MIGA1: variants seen among roughly 807,000 people sequenced by gnomAD.
The protein encoded by MIGA1 is mitoguardin 1.
In MIGA1, 58 loss-of-function variants were observed where a neutral mutation model predicts 82.0. That is an observed-to-expected ratio of 0.71 (90% CI 0.57 to 0.88). The LOEUF (loss-of-function observed/expected upper bound fraction) is 0.88, where lower values mean the gene tolerates loss of function less well. MIGA1 is among the 40% of genes least tolerant of loss of function. The probability of loss-of-function intolerance (pLI) is 0.00; values close to 1 mark genes in which losing one functional copy is unlikely to be tolerated. For missense variants in MIGA1, 751 were observed against 749.1 expected (o/e 1.00, Z -0.03); for synonymous variants, 249 against 253.6 (o/e 0.98, Z 0.17).
At chr1:77,796,279 G>A (rs867536316) in intron 2 of MIGA1, among the ~76,000 whole-genome samples, 8 of 151,056 alleles carry the variant, frequency 5.3e-5, no homozygotes, top group East Asian at 2.0e-4. Context: ...CCACCATGCC[G>A]GCTAATTTTT....
chr1:77,860,067 A>G lies in MIGA1; in HGVS notation c.1216A>G (p.Ile406Val), dbSNP rs147616793. 1,645 of 1,611,538 alleles carry G rather than the reference A, an allele frequency of 1.0e-3. 1 individual carries two copies. The highest frequency in any genetic ancestry group is 1.3e-3 in the Non-Finnish European group (1,555 of 1,178,730). ...AATTCTTTCAGAATCAGCTAACAGGATATTCCTCGCTGAGAGCGGAAGGAA... is the reference window on the plus strand; with the variant it reads ...AATTCTTTCAGAATCAGCTAACAGGGTATTCCTCGCTGAGAGCGGAAGGAA... The change falls in exon 11 of 16, where the codon ATA (isoleucine) becomes GTA (valine). Residue 406 changes from isoleucine to valine, a missense_variant. This residue lies in a region of MIGA1 where 265 missense variants were observed against 293.6 expected (regional missense o/e 0.90). Coordinates refer to ENST00000370791, the MANE Select transcript of MIGA1 (RefSeq NM_198549.4).
At chr1:77,851,793 T>C (rs913478518) in intron 8 of MIGA1, among the ~76,000 whole-genome samples, 19 of 152,064 alleles carry the variant, frequency 1.2e-4, no homozygotes, top group African/African-American at 4.6e-4. Flanking sequence ...CTCTGGAATC[T>C]CCCATTGTTG....
intron 7 of MIGA1, among the ~76,000 whole-genome samples, chr1:77,827,982 C>CAGG (rs1184821557): frequency 2.6e-5 from 4 of 152,108 alleles, no homozygotes; most frequent in Admixed American, 1.3e-4. Context: ...AGCTTGAACC[C>CAGG]AGGAGGAGGA....
intron 14 of MIGA1, among the ~76,000 whole-genome samples, chr1:77,870,642 G>A (rs1270962592): frequency 6.6e-6 from 1 of 151,168 alleles, no homozygotes; most frequent in African/African-American, 2.4e-5. Flanking sequence ...CTAGACGATG[G>A]GGGGCCAGGC....
At chr1:77,784,821 A>G (rs751766698) in intron 2 of MIGA1, among the ~76,000 whole-genome samples, 10 of 152,232 alleles carry the variant, frequency 6.6e-5, no homozygotes, top group Non-Finnish European at 1.3e-4. Flanking sequence ...TCATGGTGGA[A>G]GGTGAAAATC....
chr1:77,846,499 A>T (rs1042792797), intron 8 of MIGA1, among the ~76,000 whole-genome samples: 14 of 151,874 alleles, frequency 9.2e-5, no homozygotes, highest in Admixed American at 7.2e-4. Flanking sequence ...AATTTTATTT[A>T]AAAAAATTTT....
chr1:77,806,870 G>A, intron 4 of MIGA1, 105 bp from the exon 5 acceptor site: 1 of 675,810 alleles, frequency 1.5e-6, no homozygotes, highest in Non-Finnish European at 2.3e-6. Context: ...TACATGGATT[G>A]TCTTACCACT....
chr1:77,879,282 G>A lies in MIGA1; in HGVS notation c.*4218G>A, dbSNP rs1646918044. ...AGAATTTATATAATCTGTGATTAGT[G>A]GAAATAAGAACATCCCTACTTTGTT... On this transcript the variant is annotated 3_prime_UTR_variant, in exon 16 of 16. Coordinates refer to ENST00000370791, the MANE Select transcript of MIGA1 (RefSeq NM_198549.4). The A allele has an allele frequency of 1.3e-5, 2 of 152,078 alleles. No individual in the cohort carries two copies. The highest frequency in any genetic ancestry group is 2.4e-5 in the African/African-American group (1 of 41,416). 9.4% of individuals were successfully genotyped at this position (152,078 alleles called of 1,614,324 possible). A position where few individuals can be genotyped will look rare whatever the true frequency, so the allele number is the denominator to read the frequency against.
chr1:77,832,281 T>G (rs1455396070), intron 7 of MIGA1, among the ~76,000 whole-genome samples: 2 of 152,230 alleles, frequency 1.3e-5, no homozygotes, highest in Non-Finnish European at 2.9e-5. Context: ...CAGAATGAGC[T>G]CACAGAATCT....
In MIGA1 at chr1:77,779,690, G is replaced by C; in HGVS notation, c.35G>C (p.Trp12Ser). The C allele has an allele frequency of 6.3e-7, 1 of 1,590,664 alleles. No individual in the cohort carries two copies. The highest frequency in any genetic ancestry group is 8.6e-7 in the Non-Finnish European group (1 of 1,168,738). ...TGCTGCTCAGCGCCAGGCATCAGCT[G>C]GGAAGCTGGCGTGGGCAGGCCAGCT... Residue 12 changes from tryptophan to serine, a missense_variant, in exon 1 of 16, where the codon TGG becomes TCG. Transcript: ENST00000370791.
chr1:77,783,247 G>A lies in MIGA1; in HGVS notation c.91G>A (p.Gly31Arg), dbSNP rs955492102. 3 of 1,586,012 alleles carry A rather than the reference G, an allele frequency of 1.9e-6. No individual in the cohort carries two copies. Among genetic ancestry groups the A allele is most frequent in the Non-Finnish European group, 2.6e-6 (3 of 1,161,254 alleles). The change falls in exon 2 of 16, where the codon GGA becomes AGA. Residue 31 changes from glycine (G) to arginine (R), a missense_variant. By Grantham distance (125) the Gly-to-Arg change is moderately radical (BLOSUM62 -2). Around this residue, in one of 3 missense-constraint regions of MIGA1, gnomAD observed 482 missense variants for 439.4 expected, o/e 1.10. Transcript: ENST00000370791. ...GTTTCATTTAATGAAGATTAGAAGA[G>A]GAGCCATGTCAGAAGAAACAGTAAG... is the stretch of plus-strand genomic sequence containing the variant.
chr1:77,791,419 G>A (rs1166586), intron 2 of MIGA1, among the ~76,000 whole-genome samples: 52,929 of 151,844 alleles, frequency 0.35, 10,648 homozygotes, highest in African/African-American at 0.55. Flanking sequence ...ATGTATGGAT[G>A]TACCACAATT....
rs961499120 is a variant in MIGA1, at chr1:77,811,462, T to G, written c.638-2272T>G. On this transcript the variant is annotated intron_variant, in intron 5 of 15. Coordinates refer to ENST00000370791, the MANE Select transcript of MIGA1 (RefSeq NM_198549.4). The stretch of plus-strand genomic sequence containing the variant: ...GACAGGCTGAACATCAAATGGGAAT[T>G]CTTTATTATATGTAAGAATATTCTT... 3.2e-6 allele frequency: 5 copies of G among 1,544,524 alleles called. No homozygotes were observed. In the African/African-American group the frequency reaches 6.8e-5, roughly 21 times the overall value.
At chr1:77,835,187 T>C (rs576176589) in intron 7 of MIGA1, among the ~76,000 whole-genome samples, 1 of 152,348 alleles carries the variant, frequency 6.6e-6, no homozygotes, top group South Asian at 2.1e-4. Context: ...TTAAAACTTT[T>C]AAAGCAAATC....
At chr1:77,821,243 T>C (rs1683796701) in intron 7 of MIGA1, among the ~76,000 whole-genome samples, 1 of 152,208 alleles carries the variant, frequency 6.6e-6, no homozygotes. Flanking sequence ...TTCTTTGTTA[T>C]TGTTAGTTTC....
intron 10 of MIGA1, 105 bp downstream of exon 10, chr1:77,859,491 C>A: frequency 1.3e-6 from 1 of 744,538 alleles, no homozygotes; most frequent in South Asian, 1.7e-5. Flanking sequence ...TTGATTATCC[C>A]TATTCCTAAT....
chr1:77,832,670 TTG>T (rs1392903878), intron 7 of MIGA1, among the ~76,000 whole-genome samples: 1 of 152,164 alleles, frequency 6.6e-6, no homozygotes, highest in Non-Finnish European at 1.5e-5. Flanking sequence ...TACAAGTTCT[TTG>T]ATATGTTTTG....
Position 77,848,533 on chromosome 1 carries a change from C to T in MIGA1, c.996+5126C>T. On this transcript the variant is annotated intron_variant, in intron 8 of 15. Coordinates refer to ENST00000370791, the MANE Select transcript of MIGA1 (RefSeq NM_198549.4). ...TAGGGCAAAGAATAAATTTCTTGAC[C>T]AAGAAAGATCCAACAAAATGAGAAA... 4 of 1,277,566 alleles carry T rather than the reference C, an allele frequency of 3.1e-6. No individual in the cohort carries two copies. In the South Asian group the frequency reaches 5.3e-5, roughly 17 times the overall value. The allele number at this position is 1,277,566 out of a possible 1,614,324, so 79.1% of individuals were successfully genotyped here. A position where few individuals can be genotyped will look rare whatever the true frequency, so the allele number is the denominator to read the frequency against.
chr1:77,838,031 T>A (rs891252300), intron 7 of MIGA1, among the ~76,000 whole-genome samples: 11 of 152,234 alleles, frequency 7.2e-5, no homozygotes, highest in Non-Finnish European at 1.5e-4. Context: ...GCATTCATTG[T>A]CTTACCCTCC....
Sources: gnomAD v4.1 joint callset for allele counts (sites outside exome capture counted in the v4.1 genomes callset) on GRCh38, gnomAD v4.1.1 for gene constraint, gnomAD v4.1.1 regional missense constraint, MANE v1.5 for transcripts, NCBI Gene and HGNC (gene_info 2026-07-23, HGNC 2026-07-21) for gene names.